The following SUMF1 variants were observed in gnomAD, a reference collection of about 807,000 sequenced individuals.
SUMF1 encodes formylglycine-generating enzyme.
In SUMF1, 48 loss-of-function variants were observed where a neutral mutation model predicts 47.6. The observed-to-expected ratio is 1.01, with a 90% confidence interval of 0.80 to 1.28. The LOEUF is 1.28. Among genes scored for constraint, SUMF1 ranks in the 50% most tolerant of loss-of-function variants. SUMF1 has a pLI of 0.00. For missense variants in SUMF1, 571 were observed against 485.4 expected (o/e 1.18, Z -1.66); for synonymous variants, 230 against 192.1 (o/e 1.20, Z -1.63).
At chr3:4,253,571 C>T (rs573352677) in intron 8 of SUMF1, among the ~76,000 whole-genome samples, 1,680 of 146,840 alleles carry the variant, frequency 0.011, 27 homozygotes, top group African/African-American at 0.042. Context: ...AAAAACGGCG[C>T]ACCATGAGAC....
chr3:4,370,993 C>T (rs965155202), intron 8 of SUMF1, among the ~76,000 whole-genome samples: 2 of 152,110 alleles, frequency 1.3e-5, no homozygotes, highest in East Asian at 1.9e-4. Flanking sequence ...GTTAGTGTTG[C>T]GAGGTCAGGG....
At chr3:4,380,194 A>G (rs1700458968) in intron 7 of SUMF1, among the ~76,000 whole-genome samples, 1 of 152,248 alleles carries the variant, frequency 6.6e-6, no homozygotes, top group South Asian at 2.1e-4. Context: ...AGTGGACTGG[A>G]TAAAGAAAAC....
At chr3:4,336,651 A>C (rs549922859) in intron 8 of SUMF1, among the ~76,000 whole-genome samples, 1 of 152,372 alleles carries the variant, frequency 6.6e-6, no homozygotes, top group Non-Finnish European at 1.5e-5. Flanking sequence ...TTATATGGAA[A>C]AATATATGAT....
intron 6 of SUMF1, among the ~76,000 whole-genome samples, chr3:4,413,871 A>T (rs1157315447): frequency 6.6e-6 from 1 of 151,744 alleles, no homozygotes; most frequent in East Asian, 1.9e-4. Context: ...ACAAAAAAAA[A>T]ATTTTTTTTT....
chr3:4,456,706 G>A (rs1191077053), intron 1 of SUMF1, among the ~76,000 whole-genome samples: 9 of 113,636 alleles, frequency 7.9e-5, no homozygotes, highest in Non-Finnish European at 1.1e-4. Flanking sequence ...ATATATATAC[G>A]TATATATATA....
chr3:4,247,156 T>C (rs534103202), intron 8 of SUMF1, among the ~76,000 whole-genome samples: 1 of 152,324 alleles, frequency 6.6e-6, no homozygotes, highest in East Asian at 1.9e-4. Flanking sequence ...ATTGCCCAGA[T>C]GGTGAAACAG....
chr3:4,333,104 T>G (rs1699081095), intron 8 of SUMF1, among the ~76,000 whole-genome samples: 1 of 152,164 alleles, frequency 6.6e-6, no homozygotes, highest in African/African-American at 2.4e-5. Flanking sequence ...TCACCATCCT[T>G]CAAGTTTGTG....
In SUMF1 at chr3:4,047,455, G is replaced by T. The variant is rs181906849; in HGVS notation, c.1191+21114C>A. ...AGGAGACTGGCTCTTCACATTCTTT[G>T]CATCCACAGTTCCAAGGAGGCTTTA... On this transcript the variant is annotated intron_variant and NMD_transcript_variant, in intron 9 of 12. Coordinates refer to the SUMF1 transcript ENST00000448413. 3.2e-4 allele frequency among the ~76,000 whole-genome samples: 48 copies of T among 152,156 alleles called. No homozygotes were observed. The East Asian group carries it at 7.0e-3, about 22-fold the overall frequency.
chr3:4,257,558 T>C (rs1440503662), intron 8 of SUMF1, among the ~76,000 whole-genome samples: 10 of 151,050 alleles, frequency 6.6e-5, no homozygotes, highest in Non-Finnish European at 1.5e-4. Flanking sequence ...TTACAAGGGA[T>C]GTGAAGGACC....
Position 4,331,994 on chromosome 3 carries a change from T to C in SUMF1, c.1014+44336A>G, listed in dbSNP as rs186506628. ...TCTAAATTAAATTCTGAAGACTTTT[T>C]TTATTTTACCAATAATTTTTAAATT... On this transcript the variant is annotated intron_variant and NMD_transcript_variant, in intron 8 of 12. Transcript: ENST00000448413. Among the ~76,000 whole-genome samples, 63 of 152,340 alleles carry C rather than the reference T, an allele frequency of 4.1e-4. 1 individual carries two copies. The South Asian group carries it at 5.6e-3, about 14-fold the overall frequency.
intron 8 of SUMF1, among the ~76,000 whole-genome samples, chr3:4,278,086 A>G (rs2125043223): frequency 6.6e-6 from 1 of 152,222 alleles, no homozygotes; most frequent in South Asian, 2.1e-4. Context: ...TTGAACACCC[A>G]GATTTGTTTG....
At chr3:4,135,411 C>A (rs978782981) in intron 8 of SUMF1, among the ~76,000 whole-genome samples, 37 of 152,182 alleles carry the variant, frequency 2.4e-4, no homozygotes, top group African/African-American at 8.7e-4. Flanking sequence ...AGGCCTTTGA[C>A]AAAATTCAAC....
At chr3:4,375,134 CAAAAAAAAAAAA>C (rs376228362) in intron 8 of SUMF1, among the ~76,000 whole-genome samples, 1 of 73,236 alleles carries the variant, frequency 1.4e-5, no homozygotes, top group Non-Finnish European at 2.6e-5. Context: ...GACTCTGTCT[CAAAAAAAAAAAA>C]AAAAAAAAAA....
chr3:4,186,089 T>C (rs987779280), intron 8 of SUMF1, among the ~76,000 whole-genome samples: 1 of 152,170 alleles, frequency 6.6e-6, no homozygotes, highest in African/African-American at 2.4e-5. Context: ...GATAGAGTCA[T>C]TTCAAATACA....
At position 4,242,778 on chromosome 3, in the gene SUMF1, T is replaced by C. The variant is rs555732779; in HGVS notation, c.1014+133552A>G. Among the ~76,000 whole-genome samples the C allele has an allele frequency of 4.6e-5, 7 of 152,278 alleles. No individual in the cohort carries two copies. In the South Asian group the frequency reaches 1.2e-3, roughly 27 times the overall value. On this transcript the variant is annotated intron_variant and NMD_transcript_variant, in intron 8 of 12. Coordinates refer to the SUMF1 transcript ENST00000448413. ...GCCAGGCTTTGGGATCAGGATGATG[T>C]TGGCCTTATAAAATGAGTTAGGGAG...
intron 8 of SUMF1, among the ~76,000 whole-genome samples, chr3:4,345,328 C>A (rs308715): frequency 0.075 from 11,388 of 152,212 alleles, 620 homozygotes; most frequent in South Asian, 0.29. Context: ...AGACTAACAG[C>A]GGATCTCTTG....
chr3:4,298,636 A>G (rs1483742902), intron 8 of SUMF1, among the ~76,000 whole-genome samples: 2 of 152,182 alleles, frequency 1.3e-5, no homozygotes, highest in Non-Finnish European at 2.9e-5. Context: ...TTTTCTCACA[A>G]CATTCTTACA....
chr3:4,073,389 C>T (rs149673431), intron 8 of SUMF1, among the ~76,000 whole-genome samples: 14,306 of 152,124 alleles, frequency 0.094, 1,347 homozygotes, highest in African/African-American at 0.21. Flanking sequence ...ACATGCCAAA[C>T]TGTAAAGACC....
chr3:4,103,356 AC>A (rs1693081469), intron 8 of SUMF1, among the ~76,000 whole-genome samples: 1 of 152,116 alleles, frequency 6.6e-6, no homozygotes. Context: ...TTATAACCAC[AC>A]AGTCTAGTAC....
Sources: allele counts gnomAD v4.1 joint callset (sites outside exome capture counted in the v4.1 genomes callset), GRCh38; gene constraint gnomAD v4.1.1; transcripts MANE v1.5; gene names NCBI Gene and HGNC (gene_info 2026-07-23, HGNC 2026-07-21).